Variants in XPO4 observed in about 807,000 individuals in gnomAD.
XPO4 encodes the protein exportin-4.
A neutral mutation model predicts 143.0 loss-of-function variants in XPO4; 39 were observed. The ratio of observed to expected loss-of-function variants is 0.27; its 90% CI spans 0.21 to 0.36. XPO4 has a LOEUF of 0.36. Among genes scored for constraint, XPO4 ranks in the 10% least tolerant of loss-of-function variants. The pLI, the probability that XPO4 is intolerant of heterozygous loss-of-function variation, is 1.00. For synonymous variants in XPO4, 439 were observed against 474.0 expected (o/e 0.93, Z 0.96); for missense variants, 907 against 1,348.0 (o/e 0.67, Z 5.12).
intron 4 of XPO4, among the ~76,000 whole-genome samples, chr13:20,846,087 CT>C (rs776887655): frequency 4.6e-5 from 7 of 152,326 alleles, no homozygotes; most frequent in Non-Finnish European, 1.0e-4. Flanking sequence ...CCTAGAAGCA[CT>C]CATTAAACAA....
At chr13:20,880,033 G>A (rs1453328651) in intron 1 of XPO4, among the ~76,000 whole-genome samples, 1 of 152,182 alleles carries the variant, frequency 6.6e-6, no homozygotes, top group Non-Finnish European at 1.5e-5. Flanking sequence ...TCACATCCAT[G>A]AGAACAGACA....
chr13:20,826,314 A>G (rs1310552334), intron 7 of XPO4, among the ~76,000 whole-genome samples: 5 of 152,364 alleles, frequency 3.3e-5, no homozygotes, highest in African/African-American at 4.8e-5. Flanking sequence ...TACCAACTTA[A>G]CCAATGACTC....
At chr13:20,885,252 G>C (rs543452159) in intron 1 of XPO4, among the ~76,000 whole-genome samples, 1 of 152,308 alleles carries the variant, frequency 6.6e-6, no homozygotes, top group South Asian at 2.1e-4. Context: ...GCCCAGCCAG[G>C]AGAGAGGTAT....
intron 1 of XPO4, among the ~76,000 whole-genome samples, chr13:20,889,571 G>A (rs1177383535): frequency 3.9e-5 from 6 of 152,092 alleles, no homozygotes; most frequent in African/African-American, 9.7e-5. Flanking sequence ...GTATCCACCC[G>A]AAATGCTAAT....
chr13:20,873,232 T>C (rs1203786029), intron 1 of XPO4, among the ~76,000 whole-genome samples: 2 of 152,150 alleles, frequency 1.3e-5, no homozygotes, highest in South Asian at 2.1e-4. Context: ...CCCAGCTCAG[T>C]TGCCTTCAGT....
At chr13:20,845,927 A>G (rs760302813) in intron 4 of XPO4, among the ~76,000 whole-genome samples, 3 of 152,218 alleles carry the variant, frequency 2.0e-5, no homozygotes, top group Non-Finnish European at 4.4e-5. Context: ...ATCCTTTCTA[A>G]GACTCTAGTC....
At chr13:20,873,692 A>G (rs1219164820) in intron 1 of XPO4, among the ~76,000 whole-genome samples, 2 of 152,054 alleles carry the variant, frequency 1.3e-5, no homozygotes, top group Non-Finnish European at 2.9e-5. Flanking sequence ...GTGCAGTGGC[A>G]CAATCTCGGT....
rs1051591457 is a variant in XPO4 at position 20,787,641 on chromosome 13, G to A, written c.3048-43C>T. 7.8e-6 allele frequency: 12 copies of A among 1,535,320 alleles called. No individual in the cohort carries two copies. In the African/African-American group the frequency reaches 1.1e-4, roughly 14 times the overall value. On this transcript the variant is annotated intron_variant, in intron 20 of 22. Coordinates refer to ENST00000255305, the MANE Select transcript of XPO4 (RefSeq NM_022459.5). ...AGAACAAACTAGATTGGATATATTC[G>A]ATTTATAAAAGATAAAAAAATTATA...
intron 4 of XPO4, among the ~76,000 whole-genome samples, chr13:20,847,242 C>T (rs1005406543): frequency 1.3e-5 from 2 of 152,188 alleles, no homozygotes; most frequent in Non-Finnish European, 2.9e-5. Context: ...CAAAGTATTT[C>T]TCCCTATTCA....
chr13:20,872,584 GGAA>G lies in XPO4; in HGVS notation c.70-3886_70-3884del, dbSNP rs2060309711. Among the ~76,000 whole-genome samples, 3 of 152,272 alleles carry G rather than the reference GGAA, an allele frequency of 2.0e-5. No homozygotes were observed. In the South Asian group the frequency reaches 6.2e-4, roughly 32 times the overall value. On this transcript the variant is annotated intron_variant, in intron 1 of 22. Coordinates refer to ENST00000255305, the MANE Select transcript of XPO4 (RefSeq NM_022459.5). ...ACACAAGAAAGAAAGAAGAAAGACA[GGAA>G]GGAGGAGGGAAGTTGGAAGGTAATC... is the stretch of plus-strand genomic sequence containing the variant.
Position 20,809,265 on chromosome 13 carries a change from T to C in XPO4, c.1351-40A>G, listed in dbSNP as rs745914403. ...AGAAATAAACAATGAGGAACTGCAT[T>C]GCCTATTCAACGTGCACTTCTGTGG... is the stretch of plus-strand genomic sequence containing the variant. On this transcript the variant is annotated intron_variant, in intron 10 of 22. Transcript: ENST00000255305. 5.0e-6 allele frequency: 8 copies of C among 1,599,258 alleles called. No homozygotes were observed. The Admixed American group carries it at 1.2e-4, about 24-fold the overall frequency.
chr13:20,807,129 C>T (rs186112962), intron 13 of XPO4, among the ~76,000 whole-genome samples: 43 of 152,184 alleles, frequency 2.8e-4, no homozygotes, highest in East Asian at 5.8e-4. Context: ...TCATTTAGGG[C>T]GCCTGCATGC....
At chr13:20,870,089 C>CAAAAAAA (rs59710121) in intron 1 of XPO4, among the ~76,000 whole-genome samples, 13 of 98,854 alleles carry the variant, frequency 1.3e-4, no homozygotes, top group East Asian at 1.0e-3. Flanking sequence ...GAAGGAGTCT[C>CAAAAAAA]AAAAAAAAAA....
At position 20,797,041 on chromosome 13, in the gene XPO4, T is replaced by C; in HGVS notation, c.2339A>G (p.Gln780Arg). The change falls in exon 17 of 23, where the codon CAG (glutamine) becomes CGG (arginine). Residue 780 changes from glutamine to arginine, a missense_variant. By Grantham distance (43) the Gln-to-Arg change is conservative. Transcript: ENST00000255305. ...GTTTATCACTCTTAAGAATCGCTGC[T>C]GAAGTGGCTGAAGAACCTATAAAAA... is the stretch of plus-strand genomic sequence containing the variant. ...QYWTEVLQPL[Q>R]QRFLRVINQE... The C allele has an allele frequency of 1.9e-6, 3 of 1,589,388 alleles. No homozygotes were observed. The highest frequency in any genetic ancestry group is 2.6e-6 in the Non-Finnish European group (3 of 1,168,390).
intron 11 of XPO4, 26 bp from the exon 12 acceptor site, chr13:20,808,607 C>A: frequency 6.7e-7 from 1 of 1,500,488 alleles, no homozygotes; most frequent in Non-Finnish European, 9.0e-7. Flanking sequence ...ACAGTAGCTT[C>A]ATAAAGTTCA....
At position 20,843,834 on chromosome 13, in the gene XPO4, G is replaced by T; in HGVS notation, c.509C>A (p.Ser170Ter). Reference sequence around the variant, plus strand: ...CAATCCAATGTTGCTAGTTTTACTTGAACTTGAAAATTCACTCAATAGCGC... The same window carrying T: ...CAATCCAATGTTGCTAGTTTTACTTTAACTTGAAAATTCACTCAATAGCGC... ...LTALLSEFSS[S>*]SKTSNIGLSM... The change falls in exon 5 of 23, where the codon TCA (serine) becomes TAA (stop). Residue 170 changes from serine (S) to a stop codon, truncating the protein, a stop_gained. Coordinates refer to ENST00000255305, the MANE Select transcript of XPO4 (RefSeq NM_022459.5). LOFTEE classifies it high-confidence loss of function. The T allele has an allele frequency of 6.2e-7, 1 of 1,613,410 alleles. No homozygotes were observed. The highest frequency in any genetic ancestry group is 1.1e-5 in the South Asian group (1 of 91,058).
chr13:20,785,575 G>A (rs928981200), intron 22 of XPO4, among the ~76,000 whole-genome samples: 10 of 151,740 alleles, frequency 6.6e-5, no homozygotes, highest in Non-Finnish European at 1.0e-4. Flanking sequence ...TGAGGCGGGA[G>A]GATTGCTTGA....
chr13:20,841,717 C>A (rs988854663), intron 6 of XPO4, among the ~76,000 whole-genome samples: 2 of 151,934 alleles, frequency 1.3e-5, no homozygotes, highest in African/African-American at 2.4e-5. Context: ...AGGAGTTATA[C>A]CCCACCACAC....
At chr13:20,902,208 A>G (rs2060627687) in intron 1 of XPO4, 1 of 985,270 alleles carries the variant, frequency 1.0e-6, no homozygotes, top group Non-Finnish European at 1.2e-6. Context: ...GCGCTAGAGG[A>G]TGCGAATGCA....
Sources: allele counts gnomAD v4.1 joint callset (sites outside exome capture counted in the v4.1 genomes callset), GRCh38; gene constraint gnomAD v4.1.1; transcripts MANE v1.5; gene names NCBI Gene and HGNC (gene_info 2026-07-23, HGNC 2026-07-21).